Variants in FAAH2 observed in about 807,000 individuals in gnomAD.
FAAH2 encodes fatty-acid amide hydrolase 2.
In FAAH2, 60 loss-of-function variants were observed where a neutral mutation model predicts 36.9. The observed-to-expected ratio is 1.63, with a 90% CI of 1.32 to 2.02. The LOEUF is 2.02. Ranked by LOEUF, FAAH2 falls within the 30% of genes most tolerant of loss-of-function variation. The probability of loss-of-function intolerance (pLI) is 0.00; values close to 1 mark genes in which losing one functional copy is unlikely to be tolerated. For synonymous variants in FAAH2, 214 were observed against 143.8 expected (o/e 1.49, Z -3.49); for missense variants, 689 against 397.5 (o/e 1.73, Z -6.23).
the FAAH2 span, among the ~76,000 whole-genome samples, chrX:57,270,259 T>A: frequency 2.4e-3 from 263 of 111,582 alleles, 2 homozygotes; most frequent in Non-Finnish European, 3.9e-3. Context: ...CAAGACCAGA[T>A]GGATTCATGG....
the FAAH2 span, among the ~76,000 whole-genome samples, chrX:57,169,327 G>C: frequency 9.8e-6 from 1 of 102,094 alleles, no homozygotes. Flanking sequence ...ACGTGTGTGT[G>C]TGTGTGGTTT....
the FAAH2 span, among the ~76,000 whole-genome samples, chrX:57,262,382 T>C: frequency 1.8e-5 from 2 of 111,969 alleles, no homozygotes; most frequent in Admixed American, 1.9e-4. Context: ...ATTATTAGAT[T>C]AATTGTTATA....
chrX:57,340,002 T>A (rs1224713106), intron 4 of FAAH2, among the ~76,000 whole-genome samples: 1 of 111,235 alleles, frequency 9.0e-6, no homozygotes, highest in African/African-American at 3.3e-5. Flanking sequence ...CAAGTTGAAG[T>A]CCCACAATAG....
rs762188032 is a variant in FAAH2 at position 57,387,409 on chromosome X, G to T, written c.996+6380G>T. ...AATAAATGAGTTCAACCTAAAATAG[G>T]ATGTACGATGAAAATGAGAAAAACC... On this transcript the variant is annotated intron_variant, in intron 7 of 10. Coordinates refer to ENST00000374900, the MANE Select transcript of FAAH2 (RefSeq NM_174912.4). Among the ~76,000 whole-genome samples the T allele has an allele frequency of 3.8e-4, 42 of 110,964 alleles. 1 individual carries two copies. In the South Asian group the frequency reaches 0.016, roughly 42 times the overall value.
At chrX:57,393,489 G>A in intron 7 of FAAH2, 7 of 954,478 alleles carry the variant, frequency 7.3e-6, no homozygotes, top group East Asian at 3.1e-5. Context: ...AGTGTGATCC[G>A]GTCTGCAATG....
chrX:57,152,320 G>T, the FAAH2 span, among the ~76,000 whole-genome samples: 1 of 112,471 alleles, frequency 8.9e-6, no homozygotes, highest in African/African-American at 3.2e-5. Flanking sequence ...ATTTAAGTCT[G>T]CAGAGGTTAC....
the FAAH2 span, among the ~76,000 whole-genome samples, chrX:57,250,682 A>G: frequency 9.0e-6 from 1 of 110,844 alleles, no homozygotes; most frequent in African/African-American, 3.3e-5. Flanking sequence ...AGATATTACA[A>G]TTGATACTAC....
the FAAH2 span, among the ~76,000 whole-genome samples, chrX:57,236,949 G>T: frequency 9.0e-6 from 1 of 111,259 alleles, no homozygotes; most frequent in Non-Finnish European, 1.9e-5. Flanking sequence ...GTTATGAACT[G>T]TTTTCCTTGT....
chrX:57,486,050 G>T (rs2057468228), intron 10 of FAAH2, among the ~76,000 whole-genome samples: 1 of 111,526 alleles, frequency 9.0e-6, no homozygotes, highest in Admixed American at 9.6e-5. Flanking sequence ...CAACTAGCTG[G>T]GTTTTAATTT....
the FAAH2 span, among the ~76,000 whole-genome samples, chrX:57,266,614 A>G: frequency 8.9e-6 from 1 of 112,451 alleles, no homozygotes; most frequent in Non-Finnish European, 1.9e-5. Flanking sequence ...CTGGTAGTTG[A>G]CCCAAGGAGA....
chrX:57,371,696 C>T (rs2054556333), intron 5 of FAAH2, among the ~76,000 whole-genome samples: 1 of 109,021 alleles, frequency 9.2e-6, no homozygotes, highest in Admixed American at 9.8e-5. Context: ...TGCAAGGTTT[C>T]TAAAAAGGTA....
At chrX:57,376,303 G>A (rs1348777724) in intron 5 of FAAH2, among the ~76,000 whole-genome samples, 1 of 110,749 alleles carries the variant, frequency 9.0e-6, no homozygotes, top group Non-Finnish European at 1.9e-5. Context: ...TGTTACATAG[G>A]TGTATACGTG....
chrX:57,269,439 C>A, the FAAH2 span, among the ~76,000 whole-genome samples: 9 of 111,711 alleles, frequency 8.1e-5, no homozygotes, highest in Non-Finnish European at 1.7e-4. Flanking sequence ...CTCACCACCA[C>A]ATGGGACATA....
At chrX:57,205,397 G>A in the FAAH2 span, among the ~76,000 whole-genome samples, 1 of 112,393 alleles carries the variant, frequency 8.9e-6, no homozygotes, top group Non-Finnish European at 1.9e-5. Context: ...GCCCTAATAT[G>A]AGTGATGTAA....
At chrX:57,402,784 A>G (rs192007985) in intron 7 of FAAH2, among the ~76,000 whole-genome samples, 2 of 111,863 alleles carry the variant, frequency 1.8e-5, no homozygotes, top group African/African-American at 6.5e-5. Flanking sequence ...TGTGGCACCA[A>G]TCTCCATGTT....
chrX:57,183,758 G>T, the FAAH2 span, among the ~76,000 whole-genome samples: 18 of 111,220 alleles, frequency 1.6e-4, no homozygotes, highest in South Asian at 1.5e-3. Context: ...TCTTGAAAAA[G>T]AACAGAATAA....
chrX:57,389,352 C>T (rs1307903991), intron 7 of FAAH2, among the ~76,000 whole-genome samples: 4 of 105,585 alleles, frequency 3.8e-5, no homozygotes, highest in Non-Finnish European at 7.8e-5. Flanking sequence ...TTTGTACCCT[C>T]TGACCAATAT....
chrX:57,221,769 C>T, the FAAH2 span, among the ~76,000 whole-genome samples: 10 of 110,592 alleles, frequency 9.0e-5, no homozygotes, highest in African/African-American at 3.0e-4. Context: ...TTCCCAAAAC[C>T]TCTTTTCCTT....
chrX:57,394,659 C>T, intron 7 of FAAH2: 1 of 691,404 alleles, frequency 1.4e-6, no homozygotes, highest in Non-Finnish European at 2.2e-6. Context: ...TGCCACATCA[C>T]CCACAACTTT....
Sources: gnomAD v4.1 joint callset for allele counts (sites outside exome capture counted in the v4.1 genomes callset) on GRCh38, gnomAD v4.1.1 for gene constraint, MANE v1.5 for transcripts, NCBI Gene and HGNC (gene_info 2026-07-23, HGNC 2026-07-21) for gene names.